ADAMTS3: variants seen among roughly 807,000 people sequenced by gnomAD.
ADAMTS3 encodes ADAM metallopeptidase with thrombospondin type 1 motif 3.
ADAMTS3 carries 73 observed loss-of-function variants against 129.0 expected under a neutral mutation model. The ratio of observed to expected loss-of-function variants is 0.57; its 90% CI spans 0.47 to 0.69. The LOEUF (loss-of-function observed/expected upper bound fraction) is 0.69, where lower values mean the gene tolerates loss of function less well. ADAMTS3 is among the 30% of genes least tolerant of loss of function. The pLI is 0.00. For synonymous variants in ADAMTS3, 477 were observed against 510.8 expected (o/e 0.93, Z 0.89); for missense variants, 1,457 against 1,514.5 (o/e 0.96, Z 0.63).
chr4:72,399,530 CTACCCTGGGCTAGGTA>C (rs1457588110), intron 4 of ADAMTS3, among the ~76,000 whole-genome samples: 5 of 152,022 alleles, frequency 3.3e-5, no homozygotes, highest in Non-Finnish European at 5.9e-5. Context: ...TATTGAAGAC[CTACCCTGGGCTAGGTA>C]CTGTGCTAGA....
At chr4:72,350,075 T>A (rs16847845) in intron 4 of ADAMTS3, among the ~76,000 whole-genome samples, 87,237 of 151,880 alleles carry the variant, frequency 0.57, 29,103 homozygotes, top group Non-Finnish European at 0.77. Context: ...ACAAATAATA[T>A]TATTCAAGTT....
chr4:72,331,781 T>C (rs1010007676), intron 5 of ADAMTS3, among the ~76,000 whole-genome samples: 1 of 152,150 alleles, frequency 6.6e-6, no homozygotes, highest in Non-Finnish European at 1.5e-5. Context: ...GTTGAAAAAG[T>C]CCAACTCAAA....
chr4:72,394,928 C>A (rs1402924413), intron 4 of ADAMTS3, among the ~76,000 whole-genome samples: 3 of 142,546 alleles, frequency 2.1e-5, no homozygotes, highest in Non-Finnish European at 3.1e-5. Context: ...GCACATTTGG[C>A]TTTTTTTTTT....
chr4:72,372,436 T>TGCCAATTA (rs1414545488), intron 4 of ADAMTS3, among the ~76,000 whole-genome samples: 6 of 152,126 alleles, frequency 3.9e-5, no homozygotes, highest in Non-Finnish European at 7.4e-5. Context: ...TCATAAATAA[T>TGCCAATTA]GCCAATTAAT....
chr4:72,503,025 CTTTTGT>C (rs1049617055), intron 3 of ADAMTS3, among the ~76,000 whole-genome samples: 1 of 151,382 alleles, frequency 6.6e-6, no homozygotes, highest in African/African-American at 2.4e-5. Context: ...TTTTTTGTTT[CTTTTGT>C]TTTTGTTTTC....
intron 3 of ADAMTS3, among the ~76,000 whole-genome samples, chr4:72,452,731 C>T (rs770148697): frequency 1.3e-4 from 20 of 151,698 alleles, no homozygotes; most frequent in Admixed American, 2.6e-4. Flanking sequence ...ACCACACAGT[C>T]CTACAAATTG....
intron 11 of ADAMTS3, 28 bp from the exon 12 acceptor site, chr4:72,313,850 T>C: frequency 6.2e-7 from 1 of 1,612,864 alleles, no homozygotes. Context: ...AGGTAATTAT[T>C]AAAATCACGC....
rs544313909 is a variant in ADAMTS3 at position 72,295,518 on chromosome 4, C to T, written c.2723+136G>A. The T allele has an allele frequency of 1.5e-5, 13 of 854,530 alleles. 1 individual carries two copies. The South Asian group carries it at 3.8e-4, about 25-fold the overall frequency. 52.9% of individuals were successfully genotyped at this position (854,530 alleles called of 1,614,324 possible). On this transcript the variant is annotated intron_variant, in intron 19 of 21. Transcript: ENST00000286657. The stretch of plus-strand genomic sequence containing the variant: ...CACAGAACTGCAGCTTTATATAATT[C>T]CTGTGAAGTGACTTGACTATTTAAA...
intron 4 of ADAMTS3, among the ~76,000 whole-genome samples, chr4:72,386,931 G>T (rs991272284): frequency 6.6e-6 from 1 of 151,950 alleles, no homozygotes; most frequent in Non-Finnish European, 1.5e-5. Flanking sequence ...TAAAAATAAG[G>T]TAACATAAAA....
intron 3 of ADAMTS3, among the ~76,000 whole-genome samples, chr4:72,421,273 C>G (rs562568087): frequency 6.6e-6 from 1 of 152,340 alleles, no homozygotes; most frequent in East Asian, 1.9e-4. Flanking sequence ...CTTTCACTCT[C>G]TATCCTAACT....
chr4:72,455,318 T>C (rs1718517540), intron 3 of ADAMTS3, among the ~76,000 whole-genome samples: 1 of 151,666 alleles, frequency 6.6e-6, no homozygotes, highest in Non-Finnish European at 1.5e-5. Context: ...GTTCATGTCC[T>C]TTGCAGGGAC....
chr4:72,348,083 C>T (rs1720334450), intron 4 of ADAMTS3, among the ~76,000 whole-genome samples: 1 of 151,932 alleles, frequency 6.6e-6, no homozygotes, highest in African/African-American at 2.4e-5. Context: ...TTAACACTTG[C>T]CATTTATTCT....
At chr4:72,436,490 G>T (rs1007772180) in intron 3 of ADAMTS3, among the ~76,000 whole-genome samples, 17 of 152,106 alleles carry the variant, frequency 1.1e-4, no homozygotes, top group Admixed American at 3.3e-4. Context: ...ATTTGACCCA[G>T]CCATCCCATT....
intron 3 of ADAMTS3, among the ~76,000 whole-genome samples, chr4:72,490,149 T>C (rs1026247409): frequency 6.6e-6 from 1 of 151,938 alleles, no homozygotes; most frequent in Non-Finnish European, 1.5e-5. Context: ...TATTGGCCAT[T>C]TGTTGTCTTC....
intron 3 of ADAMTS3, among the ~76,000 whole-genome samples, chr4:72,519,584 C>T (rs1408239819): frequency 6.6e-6 from 1 of 152,106 alleles, no homozygotes; most frequent in Non-Finnish European, 1.5e-5. Flanking sequence ...TCATTTGATT[C>T]ATTTCATCTT....
intron 3 of ADAMTS3, among the ~76,000 whole-genome samples, chr4:72,540,885 G>A (rs542217039): frequency 6.6e-6 from 1 of 152,364 alleles, no homozygotes; most frequent in African/African-American, 2.4e-5. Context: ...GTTTGCTGCA[G>A]GAGCAGCACT....
chr4:72,363,317 C>T (rs77101683), intron 4 of ADAMTS3, among the ~76,000 whole-genome samples: 2,622 of 151,762 alleles, frequency 0.017, 58 homozygotes, highest in African/African-American at 0.06. Flanking sequence ...ACGGATGAAA[C>T]GTTTGAAATA....
chr4:72,480,679 A>G (rs1719409395), intron 3 of ADAMTS3, among the ~76,000 whole-genome samples: 1 of 151,676 alleles, frequency 6.6e-6, no homozygotes, highest in South Asian at 2.1e-4. Flanking sequence ...CATGTACCCT[A>G]AAACTTAAAG....
chr4:72,464,267 CTT>C (rs969039187), intron 3 of ADAMTS3, among the ~76,000 whole-genome samples: 4 of 152,018 alleles, frequency 2.6e-5, no homozygotes, highest in African/African-American at 7.2e-5. Context: ...GCCACAGAAT[CTT>C]TTCCTGCCTC....
Sources: gnomAD v4.1 joint callset for allele counts (sites outside exome capture counted in the v4.1 genomes callset) on GRCh38, gnomAD v4.1.1 for gene constraint, MANE v1.5 for transcripts, NCBI Gene and HGNC (gene_info 2026-07-23, HGNC 2026-07-21) for gene names.